MACROD2: variants seen among roughly 807,000 people sequenced by gnomAD.
MACROD2 encodes ADP-ribose glycohydrolase MACROD2.
A neutral mutation model predicts 70.4 loss-of-function variants in MACROD2; 36 were observed. The observed-to-expected ratio is 0.51, with a 90% CI of 0.39 to 0.68. The LOEUF (loss-of-function observed/expected upper bound fraction) is 0.68. Ranked by LOEUF, MACROD2 falls within the 30% of genes least tolerant of loss-of-function variation. The probability of loss-of-function intolerance (pLI) is 0.00; values close to 1 mark genes in which losing one functional copy is unlikely to be tolerated. For synonymous variants in MACROD2, 172 were observed against 178.8 expected (o/e 0.96, Z 0.30); for missense variants, 496 against 538.4 (o/e 0.92, Z 0.78).
chr20:14,684,630 T>C (rs1267760663), intron 4 of MACROD2, among the ~76,000 whole-genome samples: 1 of 143,508 alleles, frequency 7.0e-6, no homozygotes, highest in Non-Finnish European at 1.5e-5. Flanking sequence ...CTTCTACTTC[T>C]GTTCACCACA....
intron 3 of MACROD2, among the ~76,000 whole-genome samples, chr20:14,237,471 A>G (rs1303272795): frequency 2.0e-5 from 3 of 151,052 alleles, no homozygotes; most frequent in Non-Finnish European, 3.0e-5. Flanking sequence ...TTCTTTCCAT[A>G]TTGTGTATCT....
At chr20:14,466,647 T>C (rs1218435592) in intron 3 of MACROD2, among the ~76,000 whole-genome samples, 2 of 152,150 alleles carry the variant, frequency 1.3e-5, no homozygotes, top group African/African-American at 4.8e-5. Flanking sequence ...GCTCTGTTTT[T>C]TCCCCATCTT....
At chr20:14,274,512 A>G (rs2082231321) in intron 3 of MACROD2, among the ~76,000 whole-genome samples, 1 of 151,966 alleles carries the variant, frequency 6.6e-6, no homozygotes, top group Admixed American at 6.6e-5. Flanking sequence ...AATAAGAGCT[A>G]CTCTATGACA....
chr20:14,589,980 G>C (rs1981652787), intron 4 of MACROD2, among the ~76,000 whole-genome samples: 3 of 152,116 alleles, frequency 2.0e-5, no homozygotes, highest in Non-Finnish European at 2.9e-5. Flanking sequence ...GTTATATTGA[G>C]CCATGGCATA....
At chr20:14,049,905 A>G (rs116332751) in intron 2 of MACROD2, among the ~76,000 whole-genome samples, 1,797 of 151,862 alleles carry the variant, frequency 0.012, 34 homozygotes, top group African/African-American at 0.041. Flanking sequence ...CCAACACTGC[A>G]AAACTCTGTC....
intron 5 of MACROD2, among the ~76,000 whole-genome samples, chr20:15,163,989 C>A (rs1248616458): frequency 6.6e-6 from 1 of 151,686 alleles, no homozygotes; most frequent in Non-Finnish European, 1.5e-5. Context: ...CTGGGGGAGG[C>A]AGACAAAAAG....
intron 5 of MACROD2, among the ~76,000 whole-genome samples, chr20:15,019,525 T>G (rs768829595): frequency 1.3e-5 from 2 of 152,188 alleles, no homozygotes; most frequent in South Asian, 2.1e-4. Flanking sequence ...GAAAAGTTGG[T>G]ACCACTTATG....
Position 14,707,764 on chromosome 20 carries a change from A to T in MACROD2, c.418+22805A>T, listed in dbSNP as rs572351616. ...TTGTTCAAACAAATCCTGGGCCCAA[A>T]GAAGGAGTGAAAAATTAACTTCCTA... On this transcript the variant is annotated intron_variant, in intron 5 of 17. Transcript: ENST00000684519. Among the ~76,000 whole-genome samples, 11 of 152,336 alleles carry T rather than the reference A, an allele frequency of 7.2e-5. No individual in the cohort carries two copies. In the South Asian group the frequency reaches 2.3e-3, roughly 32 times the overall value.
intron 5 of MACROD2, among the ~76,000 whole-genome samples, chr20:15,169,484 T>C (rs1245843314): frequency 6.6e-6 from 1 of 152,176 alleles, no homozygotes. Flanking sequence ...ACCGTTTTTC[T>C]TGAAGGAAGT....
At chr20:14,924,982 A>G (rs954086676) in intron 5 of MACROD2, among the ~76,000 whole-genome samples, 1 of 151,968 alleles carries the variant, frequency 6.6e-6, no homozygotes, top group Non-Finnish European at 1.5e-5. Context: ...ATTGGGTTAA[A>G]TATCTCCTTT....
chr20:14,009,162 C>G (rs1011700309), intron 2 of MACROD2, among the ~76,000 whole-genome samples: 3 of 152,170 alleles, frequency 2.0e-5, no homozygotes, highest in African/African-American at 7.2e-5. Flanking sequence ...AAGAAACTCT[C>G]AGCATGAACA....
At chr20:15,238,090 G>T (rs916329319) in intron 6 of MACROD2, among the ~76,000 whole-genome samples, 3 of 152,112 alleles carry the variant, frequency 2.0e-5, no homozygotes, top group Non-Finnish European at 4.4e-5. Context: ...GTTATAAAAG[G>T]GTTTGCTGAG....
intron 6 of MACROD2, among the ~76,000 whole-genome samples, chr20:15,264,499 G>A (rs1380119771): frequency 6.6e-6 from 1 of 152,064 alleles, no homozygotes; most frequent in Non-Finnish European, 1.5e-5. Flanking sequence ...CTCAAAGAAG[G>A]GCAAGATGAT....
intron 5 of MACROD2, among the ~76,000 whole-genome samples, chr20:14,760,712 A>G (rs1419735803): frequency 6.6e-6 from 1 of 152,044 alleles, no homozygotes; most frequent in Non-Finnish European, 1.5e-5. Context: ...CCAGAAAGTG[A>G]ACATATGCCC....
chr20:14,610,440 T>A (rs1983086085), intron 4 of MACROD2, among the ~76,000 whole-genome samples: 1 of 152,092 alleles, frequency 6.6e-6, no homozygotes, highest in Admixed American at 6.6e-5. Flanking sequence ...TGTGAGCGCT[T>A]CTAGTAATTT....
chr20:14,231,502 G>T lies in MACROD2; in HGVS notation c.271+145774G>T, dbSNP rs529495822. On this transcript the variant is annotated intron_variant, in intron 3 of 17. Coordinates refer to ENST00000684519, the MANE Select transcript of MACROD2 (RefSeq NM_001351661.2). ...TTTTATGGCTGCATAGTATTCCATG[G>T]TGTATATGTGCCACATTTTCTTAAT... 2.0e-5 allele frequency among the ~76,000 whole-genome samples: 3 copies of T among 152,248 alleles called. No homozygotes were observed. The East Asian group carries it at 5.8e-4, about 29-fold the overall frequency.
At chr20:14,517,524 C>G (rs925497628) in intron 4 of MACROD2, among the ~76,000 whole-genome samples, 2 of 152,002 alleles carry the variant, frequency 1.3e-5, no homozygotes, top group Non-Finnish European at 2.9e-5. Flanking sequence ...ACATCACACA[C>G]CGGGGCCTGT....
At chr20:15,412,860 A>G (rs946907564) in intron 6 of MACROD2, among the ~76,000 whole-genome samples, 2 of 152,234 alleles carry the variant, frequency 1.3e-5, no homozygotes, top group African/African-American at 4.8e-5. Flanking sequence ...TGACCCATTT[A>G]TGAAAGCTCA....
chr20:15,600,437 T>C (rs1294911246), intron 8 of MACROD2, among the ~76,000 whole-genome samples: 1 of 152,200 alleles, frequency 6.6e-6, no homozygotes, highest in Non-Finnish European at 1.5e-5. Flanking sequence ...TTTCTTATGA[T>C]CTTCATCAAA....
Sources: gnomAD v4.1 joint callset for allele counts (sites outside exome capture counted in the v4.1 genomes callset) on GRCh38, gnomAD v4.1.1 for gene constraint, MANE v1.5 for transcripts, NCBI Gene and HGNC (gene_info 2026-07-23, HGNC 2026-07-21) for gene names.